The following GPAT4 variants were observed in gnomAD, a reference collection of about 807,000 sequenced individuals.
GPAT4 encodes the protein 1-AGP acyltransferase 6.
Under a neutral mutation model 58.0 loss-of-function variants are expected in GPAT4, and 17 were observed. The observed-to-expected ratio is 0.29, with a 90% confidence interval of 0.20 to 0.44. The LOEUF (loss-of-function observed/expected upper bound fraction) is 0.44, where lower values mean the gene tolerates loss of function less well. GPAT4 is among the 20% of genes least tolerant of loss of function. The probability of loss-of-function intolerance (pLI) is 1.00; values close to 1 mark genes in which losing one functional copy is unlikely to be tolerated. For missense variants in GPAT4, 377 were observed against 574.5 expected (o/e 0.66, Z 3.51); for synonymous variants, 204 against 210.1 (o/e 0.97, Z 0.25).
At chr8:41,616,064 G>T (rs1478720745) in intron 10 of GPAT4, among the ~76,000 whole-genome samples, 1 of 152,252 alleles carries the variant, frequency 6.6e-6, no homozygotes, top group African/African-American at 2.4e-5. Context: ...GCAGGAAAGA[G>T]GAACATAGTC....
rs181394998 is a variant in GPAT4, at chr8:41,596,752, G to A, written c.-848-1540G>A. ...CTCTAATCACCTTGTTTCCAGTCAG[G>A]GAACCAAGAAATGCAACAGGACTAG... On this transcript the variant is annotated intron_variant, in intron 1 of 12. Coordinates refer to ENST00000396987, the MANE Select transcript of GPAT4 (RefSeq NM_178819.4). Among the ~76,000 whole-genome samples the A allele has an allele frequency of 1.4e-3, 215 of 152,316 alleles. 1 individual carries two copies. Among genetic ancestry groups the A allele is most frequent in the East Asian group, 0.01 (52 of 5,186 alleles).
chr8:41,602,107 A>C (rs1019310304), intron 2 of GPAT4, among the ~76,000 whole-genome samples: 5 of 152,178 alleles, frequency 3.3e-5, no homozygotes, highest in African/African-American at 9.7e-5. Context: ...GGCGCGTGCC[A>C]TCACACCCGG....
At chr8:41,595,425 C>A (rs1802904243) in intron 1 of GPAT4, among the ~76,000 whole-genome samples, 1 of 122,300 alleles carries the variant, frequency 8.2e-6, no homozygotes, top group African/African-American at 3.2e-5. Flanking sequence ...TTTCTACTTT[C>A]TTCTGTTAGC....
rs1803831714 is a variant in GPAT4, at chr8:41,623,841, T to G, written c.*2840T>G. 6.6e-6 allele frequency: 1 copy of G among 151,472 alleles called. No individual in the cohort carries two copies. Among genetic ancestry groups the G allele is most frequent in the Non-Finnish European group, 1.5e-5 (1 of 67,788 alleles). The allele number at this position is 151,472 out of a possible 1,614,324, so 9.4% of individuals were successfully genotyped here. ...TTTCCACCCACCAGTTAGGGAACTT[T>G]TTTTTTTTTTTTAAACACGGAGTTT... is the stretch of plus-strand genomic sequence containing the variant. On this transcript the variant is annotated 3_prime_UTR_variant, in exon 13 of 13. Transcript: ENST00000396987.
At chr8:41,596,721 G>A (rs1176963892) in intron 1 of GPAT4, among the ~76,000 whole-genome samples, 1 of 152,212 alleles carries the variant, frequency 6.6e-6, no homozygotes, top group East Asian at 1.9e-4. Flanking sequence ...GGCTGCCTTG[G>A]CCTTCCTCTA....
chr8:41,600,525 T>G (rs1803058951), intron 2 of GPAT4, among the ~76,000 whole-genome samples: 1 of 152,154 alleles, frequency 6.6e-6, no homozygotes, highest in African/African-American at 2.4e-5. Context: ...ATATTTTTTA[T>G]GTTTGTCATT....
At chr8:41,615,402 T>A (rs1803567880) in intron 10 of GPAT4, among the ~76,000 whole-genome samples, 1 of 144,044 alleles carries the variant, frequency 6.9e-6, no homozygotes, top group South Asian at 2.3e-4. Flanking sequence ...CAGGGCACAG[T>A]GGTGTGGTTT....
In GPAT4 at chr8:41,622,092, G is replaced by C. The variant is rs560570424; in HGVS notation, c.*1091G>C. The C allele has an allele frequency of 4.6e-5, 7 of 152,378 alleles. No individual in the cohort carries two copies. Among genetic ancestry groups the C allele is most frequent in the African/African-American group, 1.7e-4 (7 of 41,546 alleles). The allele number at this position is 152,378 out of a possible 1,614,324, so 9.4% of individuals were successfully genotyped here. A position where few individuals can be genotyped will look rare whatever the true frequency, so the allele number is the denominator to read the frequency against. On this transcript the variant is annotated 3_prime_UTR_variant, in exon 13 of 13. Coordinates refer to ENST00000396987, the MANE Select transcript of GPAT4 (RefSeq NM_178819.4). Reference sequence around the variant, plus strand: ...GAACAGCTCGTCTCAGATGCTTGCAGATCTTTGGTTAATTTAGAATTTCCA... The same window carrying C: ...GAACAGCTCGTCTCAGATGCTTGCACATCTTTGGTTAATTTAGAATTTCCA...
At position 41,579,657 on chromosome 8, in the gene GPAT4, G is replaced by A. The variant is rs570244462; in HGVS notation, c.-849+1379G>A. ...GTTCAAGACCAGCCTGGCCAACATG[G>A]TGAAACCCTGCATATACTAAAAATA... On this transcript the variant is annotated intron_variant, in intron 1 of 12. Coordinates refer to ENST00000396987, the MANE Select transcript of GPAT4 (RefSeq NM_178819.4). Among the ~76,000 whole-genome samples, 367 of 152,234 alleles carry A rather than the reference G, an allele frequency of 2.4e-3. 4 individuals are homozygous for A. The highest frequency in any genetic ancestry group is 8.2e-3 in the African/African-American group (341 of 41,540).
In GPAT4 at chr8:41,598,925, T is replaced by C; in HGVS notation, c.-215T>C. On this transcript the variant is annotated 5_prime_UTR_variant, in exon 2 of 13. Coordinates refer to ENST00000396987, the MANE Select transcript of GPAT4 (RefSeq NM_178819.4). ...AGAGTCCATCCATTCTGGAGAGACC[T>C]GGCGTTTGCAGTTGCCTCCTGTGGC... 1 of 592,746 alleles carries C rather than the reference T, an allele frequency of 1.7e-6. No homozygotes were observed. Among genetic ancestry groups the C allele is most frequent in the South Asian group, 2.3e-5 (1 of 43,002 alleles). The allele number at this position is 592,746 out of a possible 1,614,324, so 36.7% of individuals were successfully genotyped here.
chr8:41,598,121 T>G (rs1326632127), intron 1 of GPAT4, among the ~76,000 whole-genome samples, 171 bp from the exon 2 acceptor site: 1 of 152,214 alleles, frequency 6.6e-6, no homozygotes, highest in Non-Finnish European at 1.5e-5. Context: ...CATTCATGTC[T>G]GCCACCTGTT....
At chr8:41,592,404 A>T (rs11784128) in intron 1 of GPAT4, among the ~76,000 whole-genome samples, 85,127 of 151,994 alleles carry the variant, frequency 0.56, 24,537 homozygotes, top group Middle Eastern at 0.71. Flanking sequence ...TGTGGTACCA[A>T]TATACAGTTT....
Position 41,623,859 on chromosome 8 carries a change from C to CG in GPAT4, c.*2860dup, listed in dbSNP as rs1251724304. ...GGAACTTTTTTTTTTTTTTTAAACACGGAGTTTCACTCTTGTTGCCCATGC... is the reference window on the plus strand; with the variant it reads ...GGAACTTTTTTTTTTTTTTTAAACACGGGAGTTTCACTCTTGTTGCCCATGC... On this transcript the variant is annotated 3_prime_UTR_variant, in exon 13 of 13. Coordinates refer to ENST00000396987, the MANE Select transcript of GPAT4 (RefSeq NM_178819.4). 1 of 150,732 alleles carries CG rather than the reference C, an allele frequency of 6.6e-6. No homozygotes were observed. Among genetic ancestry groups the CG allele is most frequent in the African/African-American group, 2.4e-5 (1 of 40,876 alleles). The allele number at this position is 150,732 out of a possible 1,614,324, so 9.3% of individuals were successfully genotyped here.
intron 1 of GPAT4, among the ~76,000 whole-genome samples, chr8:41,594,385 A>G (rs1192693310): frequency 6.6e-6 from 1 of 152,128 alleles, no homozygotes; most frequent in African/African-American, 2.4e-5. Flanking sequence ...TACTTTCCTA[A>G]TATACCTTGC....
chr8:41,599,050 T>C lies in GPAT4; in HGVS notation c.-90T>C. ...GCTGTTCTTCGGGAACTTGCTTCCT[T>C]TCCCTGGCTGGTGCTGTCAGGAAGG... On this transcript the variant is annotated 5_prime_UTR_variant, in exon 2 of 13. Transcript: ENST00000396987. The C allele has an allele frequency of 1.3e-6, 2 of 1,502,504 alleles. No homozygotes were observed. The highest frequency in any genetic ancestry group is 1.4e-5 in the African/African-American group (1 of 71,012). 93.1% of individuals were successfully genotyped at this position (1,502,504 alleles called of 1,614,324 possible).
Position 41,594,735 on chromosome 8 carries a change from C to CG in GPAT4, c.-848-3553dup, listed in dbSNP as rs545449708. Among the ~76,000 whole-genome samples the CG allele has an allele frequency of 3.9e-5, 6 of 152,000 alleles. No homozygotes were observed. In the East Asian group the frequency reaches 1.2e-3, roughly 30 times the overall value. ...TAATTTTTTGTATTTTTAGTAGAGA[C>CG]GGGGTTTCACCGTGTTAGCCAGGAT... On this transcript the variant is annotated intron_variant, in intron 1 of 12. Transcript: ENST00000396987.
At chr8:41,612,666 GAGA>G in intron 7 of GPAT4, 176 bp from the exon 8 acceptor site, 1 of 585,804 alleles carries the variant, frequency 1.7e-6, no homozygotes, top group Non-Finnish European at 3.0e-6. Context: ...TGATTAAAAG[GAGA>G]AGTTTAAGAT....
intron 1 of GPAT4, among the ~76,000 whole-genome samples, chr8:41,583,659 C>A (rs1358424240): frequency 6.6e-6 from 1 of 152,114 alleles, no homozygotes; most frequent in East Asian, 1.9e-4. Context: ...GCTCCAAGGT[C>A]ACACGTGGTT....
rs772493321 is a variant in GPAT4, at chr8:41,614,407, T to G, written c.933T>G (p.Asp311Glu). ...VAKRLTEHVQ[D>E]KSKLPILIFP... ...AAAGACTGACTGAACATGTGCAAGATAAAAGCAAGCTGCCTATCCTCATCT... is the reference window on the plus strand; with the variant it reads ...AAAGACTGACTGAACATGTGCAAGAGAAAAGCAAGCTGCCTATCCTCATCT... The change falls in exon 9 of 13, where the codon GAT (aspartate) becomes GAG (glutamate). Residue 311 changes from aspartate to glutamate, a missense_variant. Coordinates refer to ENST00000396987, the MANE Select transcript of GPAT4 (RefSeq NM_178819.4). 1.2e-6 allele frequency: 2 copies of G among 1,614,150 alleles called. No individual in the cohort carries two copies. Among genetic ancestry groups the G allele is most frequent in the Admixed American group, 3.3e-5 (2 of 60,028 alleles).
Sources: allele counts gnomAD v4.1 joint callset (sites outside exome capture counted in the v4.1 genomes callset), GRCh38; gene constraint gnomAD v4.1.1; transcripts MANE v1.5; gene names NCBI Gene and HGNC (gene_info 2026-07-23, HGNC 2026-07-21).